GATC: variants seen among roughly 807,000 people sequenced by gnomAD.
GATC encodes the protein glutamyl-tRNA amidotransferase subunit C, also known as glutamyl-tRNA(Gln) amidotransferase subunit C, mitochondrial.
A neutral mutation model predicts 14.4 loss-of-function variants in GATC; 11 were observed. The observed-to-expected ratio is 0.77, with a 90% confidence interval of 0.48 to 1.27. The LOEUF is 1.27. GATC is among the 50% of genes most tolerant of loss of function. GATC has a pLI of 0.00. For synonymous variants in GATC, 76 were observed against 79.3 expected (o/e 0.96, Z 0.22); for missense variants, 204 against 183.0 (o/e 1.11, Z -0.66).
At chr12:120,447,811 A>C (rs1457246501) in intron 2 of GATC, among the ~76,000 whole-genome samples, 1 of 152,190 alleles carries the variant, frequency 6.6e-6, no homozygotes, top group Non-Finnish European at 1.5e-5. Flanking sequence ...GTTAGAGTGC[A>C]GTGGCATGAT....
chr12:120,451,474 T>G (rs1179465), intron 2 of GATC, among the ~76,000 whole-genome samples: 110,780 of 151,260 alleles, frequency 0.73, 41,687 homozygotes, highest in African/African-American at 0.92. Context: ...GGGCGTGGTG[T>G]TTCACGCCTG....
intron 2 of GATC, among the ~76,000 whole-genome samples, chr12:120,453,064 AG>A (rs1878093121): frequency 6.6e-6 from 1 of 152,178 alleles, no homozygotes; most frequent in Non-Finnish European, 1.5e-5. Context: ...AGTAGGAGGA[AG>A]GGAGAAGGCT....
chr12:120,456,220 C>G (rs1814964292), intron 2 of GATC, among the ~76,000 whole-genome samples: 1 of 152,122 alleles, frequency 6.6e-6, no homozygotes, highest in African/African-American at 2.4e-5. Flanking sequence ...AATAGTGAAG[C>G]CTCATGCAAA....
chr12:120,446,905 G>A (rs1418929369), intron 2 of GATC, 76 bp downstream of exon 2: 1 of 1,406,610 alleles, frequency 7.1e-7, no homozygotes, highest in African/African-American at 1.4e-5. Context: ...TTAGCGAACA[G>A]TTTTCCAGGG....
intron 3 of GATC, among the ~76,000 whole-genome samples, chr12:120,458,131 T>G (rs1878235949): frequency 6.8e-6 from 1 of 147,166 alleles, no homozygotes; most frequent in African/African-American, 2.5e-5. Flanking sequence ...GGAGTCTCGC[T>G]CGGTCACCCA....
chr12:120,449,871 T>C (rs1877991118), intron 2 of GATC, among the ~76,000 whole-genome samples: 1 of 151,948 alleles, frequency 6.6e-6, no homozygotes, highest in African/African-American at 2.4e-5. Flanking sequence ...CAAGCGATTC[T>C]CCTGCCTCAG....
At position 120,462,326 on chromosome 12, in the gene GATC, G is replaced by C; in HGVS notation, c.*2367G>C. ...TAAACCTTCATAACATTATGAGGTA[G>C]GTACTCTTACTATCCCATTTCAAGA... On this transcript the variant is annotated 3_prime_UTR_variant, in exon 4 of 4. Transcript: ENST00000551765. 1 of 626,932 alleles carries C rather than the reference G, an allele frequency of 1.6e-6. No homozygotes were observed. Among genetic ancestry groups the C allele is most frequent in the Admixed American group, 3.7e-5 (1 of 27,386 alleles). The allele number at this position is 626,932 out of a possible 1,614,324, so 38.8% of individuals were successfully genotyped here. A position where few individuals can be genotyped will look rare whatever the true frequency, so the allele number is the denominator to read the frequency against.
rs766551403 is a variant in GATC, at chr12:120,446,695, G to A, written c.120G>A (p.Leu40=). 2.5e-6 allele frequency: 4 copies of A among 1,613,576 alleles called. No homozygotes were observed. Among genetic ancestry groups the A allele is most frequent in the East Asian group, 2.2e-5 (1 of 44,896 alleles). The change falls in exon 2 of 4, where the codon CTG becomes CTA. Residue 40 remains leucine (L), a synonymous_variant. Transcript: ENST00000551765. ...GRITAAVIEH[L]ERLALVDFGS... ...TCACGGCTGCGGTGATCGAGCACCT[G>A]GAGCGTCTAGCGCTTGTGGACTTCG... is the stretch of plus-strand genomic sequence containing the variant.
At chr12:120,458,129 G>A (rs1227722146) in intron 3 of GATC, among the ~76,000 whole-genome samples, 2 of 143,888 alleles carry the variant, frequency 1.4e-5, no homozygotes, top group East Asian at 2.1e-4. Flanking sequence ...ATGGAGTCTC[G>A]CTCGGTCACC....
rs1341103060 is a variant in GATC at position 120,446,551 on chromosome 12, C to T, written c.71C>T (p.Ala24Val). 3.1e-6 allele frequency: 5 copies of T among 1,600,028 alleles called. No homozygotes were observed. Among genetic ancestry groups the T allele is most frequent in the South Asian group, 1.1e-5 (1 of 90,458 alleles). The stretch of plus-strand genomic sequence containing the variant: ...GGGCGCCAGGGCTTCACCTCCAAGG[C>T]GGATCCTCAGGTAAAGGCCAGGGCC... ...LGGRQGFTSKADPQGSGRITA... is the reference protein window; with the variant it reads ...LGGRQGFTSKVDPQGSGRITA... Residue 24 changes from alanine (A) to valine (V), a missense_variant, in exon 1 of 4, where the codon GCG (alanine) becomes GTG (valine). Physicochemically the swap from Ala to Val is moderately conservative, Grantham distance 64 (BLOSUM62 0). Transcript: ENST00000551765.
intron 2 of GATC, among the ~76,000 whole-genome samples, chr12:120,455,541 C>T (rs952201308): frequency 6.6e-6 from 1 of 152,048 alleles, no homozygotes; most frequent in Non-Finnish European, 1.5e-5. Flanking sequence ...TTCAAGGCCA[C>T]ACAGTTAAGA....
chr12:120,454,679 T>G (rs921406977), intron 2 of GATC, among the ~76,000 whole-genome samples: 21 of 151,890 alleles, frequency 1.4e-4, no homozygotes, highest in African/African-American at 4.8e-4. Context: ...TCTCCCAAAG[T>G]GCTGGGATCA....
chr12:120,447,640 C>T (rs1190656379), intron 2 of GATC, among the ~76,000 whole-genome samples: 1 of 152,140 alleles, frequency 6.6e-6, no homozygotes, highest in African/African-American at 2.4e-5. Flanking sequence ...TAGTTAGTAA[C>T]TCATCCTATT....
chr12:120,459,004 G>T (rs1878257604), intron 3 of GATC, among the ~76,000 whole-genome samples: 1 of 152,142 alleles, frequency 6.6e-6, no homozygotes, highest in Non-Finnish European at 1.5e-5. Flanking sequence ...AGGACTACAG[G>T]CGCCCACCAC....
At position 120,462,177 on chromosome 12, in the gene GATC, A is replaced by C. The variant is rs2137048365; in HGVS notation, c.*2218A>C. On this transcript the variant is annotated 3_prime_UTR_variant, in exon 4 of 4. Transcript: ENST00000551765. ...GAAGTTTCACCCTGAAATGCAAACA[A>C]AAACAAAAAGAGTAAAGGGGAAAAA... 9 of 1,601,290 alleles carry C rather than the reference A, an allele frequency of 5.6e-6. No homozygotes were observed. In the East Asian group the frequency reaches 2.0e-4, roughly 36 times the overall value.
rs1170221029 is a variant in GATC at position 120,451,875 on chromosome 12, C to CTTTTTTTTTTTTTTT, written c.254+5052_254+5066dup. On this transcript the variant is annotated intron_variant, in intron 2 of 3. Transcript: ENST00000551765. ...CAGGGGCTAATAAATTATATAAATT[C>CTTTTTTTTTTTTTTT]TTTTTTTTTTTTTTTTTTTTGAGCT... 6.8e-3 allele frequency among the ~76,000 whole-genome samples: 617 copies of CTTTTTTTTTTTTTTT among 90,764 alleles called. 75 individuals are homozygous for CTTTTTTTTTTTTTTT. The highest frequency in any genetic ancestry group is 0.014 in the African/African-American group (343 of 23,970). The allele number at this position is 90,764 out of a possible 152,430, so 59.5% of individuals were successfully genotyped here. A position where few individuals can be genotyped will look rare whatever the true frequency, so the allele number is the denominator to read the frequency against.
chr12:120,447,181 A>G (rs1192772487), intron 2 of GATC, among the ~76,000 whole-genome samples: 1 of 151,516 alleles, frequency 6.6e-6, no homozygotes, highest in African/African-American at 2.4e-5. Context: ...TGTTCAAGCA[A>G]TTCTCTGCCT....
Position 120,459,908 on chromosome 12 carries a change from T to G in GATC, c.360T>G (p.Gly120=). ...VVEEYFVAPP[G]NISLPKLDEQ... ...TTCTCTTTTGTTATTTTCAAACAGG[T>G]AATATCTCTTTGCCAAAGCTGGATG... Residue 120 remains glycine, a splice_region_variant and synonymous_variant, in exon 4 of 4, where the codon GGT becomes GGG. Transcript: ENST00000551765. 1 of 1,610,808 alleles carries G rather than the reference T, an allele frequency of 6.2e-7. No individual in the cohort carries two copies. The highest frequency in any genetic ancestry group is 8.5e-7 in the Non-Finnish European group (1 of 1,177,254).
chr12:120,450,057 C>T (rs970192617), intron 2 of GATC, among the ~76,000 whole-genome samples: 2 of 152,168 alleles, frequency 1.3e-5, no homozygotes, highest in Non-Finnish European at 2.9e-5. Context: ...CCACCATGCC[C>T]GGTCCCAGTG....
Sources: allele counts gnomAD v4.1 joint callset (sites outside exome capture counted in the v4.1 genomes callset), GRCh38; gene constraint gnomAD v4.1.1; transcripts MANE v1.5; gene names NCBI Gene and HGNC (gene_info 2026-07-23, HGNC 2026-07-21).